TGDS: variants seen among roughly 807,000 people sequenced by gnomAD.
TGDS encodes UDP-D-glucose 4,6-dehydratase.
In TGDS, 47 loss-of-function variants were observed where a neutral mutation model predicts 52.3. The observed-to-expected ratio is 0.90, with a 90% CI of 0.71 to 1.15. The LOEUF is 1.15. TGDS is among the 50% of genes most tolerant of loss of function. TGDS has a pLI of 0.00. For missense variants in TGDS, 375 were observed against 418.4 expected (o/e 0.90, Z 0.90); for synonymous variants, 115 against 136.9 (o/e 0.84, Z 1.12).
chr13:94,582,199 C>CAA (rs35792308), intron 5 of TGDS, among the ~76,000 whole-genome samples: 120 of 138,992 alleles, frequency 8.6e-4, no homozygotes, highest in Middle Eastern at 3.8e-3. Context: ...ACTCCCATCT[C>CAA]AAAAAAAAAA....
chr13:94,592,734 G>A (rs903579661), intron 2 of TGDS, among the ~76,000 whole-genome samples: 2 of 152,064 alleles, frequency 1.3e-5, no homozygotes, highest in South Asian at 2.1e-4. Context: ...GATTACAAGC[G>A]TGAGCCCAGC....
chr13:94,581,634 C>T (rs1178582302), intron 5 of TGDS, among the ~76,000 whole-genome samples: 1 of 152,250 alleles, frequency 6.6e-6, no homozygotes, highest in African/African-American at 2.4e-5. Context: ...AGAAGTTTAC[C>T]TGATAAAAAT....
chr13:94,577,031 G>A (rs1888626550), intron 10 of TGDS, among the ~76,000 whole-genome samples: 1 of 151,830 alleles, frequency 6.6e-6, no homozygotes, highest in Non-Finnish European at 1.5e-5. Flanking sequence ...AACCTGGGAA[G>A]GCAGAGATTG....
intron 4 of TGDS, among the ~76,000 whole-genome samples, chr13:94,590,075 A>G (rs1198548627): frequency 6.6e-6 from 1 of 151,496 alleles, no homozygotes; most frequent in Admixed American, 6.6e-5. Flanking sequence ...CTGGAATATT[A>G]TGACACTGAA....
rs1048032951 is a variant in TGDS at position 94,590,783 on chromosome 13, T to C, written c.313+70A>G. On this transcript the variant is annotated intron_variant, in intron 4 of 11. Transcript: ENST00000261296. ...ACAGTATGATATATCCTCTTTCAAATATAAGTATTAGGGGGGCGAGGGCGG... is the reference window on the plus strand; with the variant it reads ...ACAGTATGATATATCCTCTTTCAAACATAAGTATTAGGGGGGCGAGGGCGG... 3.3e-6 allele frequency: 4 copies of C among 1,213,036 alleles called. No homozygotes were observed. The South Asian group carries it at 4.9e-5, about 15-fold the overall frequency. 75.1% of individuals were successfully genotyped at this position (1,213,036 alleles called of 1,614,324 possible).
At chr13:94,590,601 C>T (rs1033032849) in intron 4 of TGDS, among the ~76,000 whole-genome samples, 6 of 152,114 alleles carry the variant, frequency 3.9e-5, no homozygotes, top group East Asian at 3.8e-4. Context: ...CCCATCTCCC[C>T]GTTGCTCCCC....
chr13:94,592,727 T>C (rs1889248324), intron 2 of TGDS, among the ~76,000 whole-genome samples: 1 of 152,196 alleles, frequency 6.6e-6, no homozygotes, highest in Non-Finnish European at 1.5e-5. Flanking sequence ...GTGCTGGGAT[T>C]ACAAGCGTGA....
intron 6 of TGDS, 92 bp from the exon 7 acceptor site, chr13:94,580,045 T>C: frequency 2.5e-6 from 2 of 792,492 alleles, no homozygotes; most frequent in Non-Finnish European, 4.1e-6. Flanking sequence ...ATGGGCACCT[T>C]TGCCTAAATA....
chr13:94,587,124 TA>T (rs2139533204), intron 4 of TGDS, among the ~76,000 whole-genome samples: 1 of 152,164 alleles, frequency 6.6e-6, no homozygotes, highest in South Asian at 2.1e-4. Flanking sequence ...AGGATTCAGA[TA>T]AACCAGTATT....
intron 5 of TGDS, 102 bp downstream of exon 5, chr13:94,582,991 CA>C: frequency 2.4e-6 from 3 of 1,250,480 alleles, no homozygotes; most frequent in Non-Finnish European, 3.4e-6. Context: ...AAGAGTGCCA[CA>C]AGTGTATATA....
chr13:94,584,497 C>T (rs1487875051), intron 4 of TGDS, among the ~76,000 whole-genome samples: 2 of 152,198 alleles, frequency 1.3e-5, no homozygotes, highest in African/African-American at 2.4e-5. Flanking sequence ...GCGGATTGGA[C>T]ATTTCAGTAT....
chr13:94,577,332 T>C, intron 10 of TGDS, 39 bp downstream of exon 10: 5 of 1,488,140 alleles, frequency 3.4e-6, no homozygotes, highest in Non-Finnish European at 4.5e-6. Context: ...GTACCTAAGA[T>C]TTCACAACCT....
At chr13:94,595,993 C>A (rs551161892) in intron 1 of TGDS, 58 bp downstream of exon 1, 1 of 1,602,360 alleles carries the variant, frequency 6.2e-7, no homozygotes, top group Non-Finnish European at 8.5e-7. Flanking sequence ...AGCAGAGCTG[C>A]GGGAAAAGGT....
At chr13:94,596,219 G>A (rs1029021954), upstream of TGDS, 19 of 1,438,816 alleles carry the variant, frequency 1.3e-5, no homozygotes, top group East Asian at 4.2e-4. Context: ...TTTGCGACGC[G>A]CCTCGCTCGC....
chr13:94,580,110 T>G (rs1226859411), intron 6 of TGDS, among the ~76,000 whole-genome samples, 157 bp from the exon 7 acceptor site: 1 of 152,128 alleles, frequency 6.6e-6, no homozygotes, highest in Non-Finnish European at 1.5e-5. Flanking sequence ...GTAAGGTTTC[T>G]AAAAAGGAGA....
chr13:94,593,987 A>T (rs1388069898), intron 1 of TGDS, 80 bp from the exon 2 acceptor site: 1 of 838,912 alleles, frequency 1.2e-6, no homozygotes, highest in Admixed American at 2.6e-5. Context: ...GGTGTTGAGT[A>T]CTAGGAAAAT....
intron 11 of TGDS, among the ~76,000 whole-genome samples, chr13:94,575,859 A>G (rs1008076211): frequency 6.6e-6 from 1 of 151,996 alleles, no homozygotes; most frequent in Admixed American, 6.6e-5. Context: ...TACTAAATTT[A>G]TTTCCTCTGT....
intron 3 of TGDS, among the ~76,000 whole-genome samples, chr13:94,591,310 G>A (rs1188200296): frequency 6.6e-6 from 1 of 152,166 alleles, no homozygotes; most frequent in East Asian, 1.9e-4. Context: ...CTTAGGCTGG[G>A]TGTGGTGGCT....
At chr13:94,579,671 C>CT (rs1293590349) in intron 7 of TGDS, 2 of 404,094 alleles carry the variant, frequency 4.9e-6, no homozygotes, top group African/African-American at 2.1e-5. Flanking sequence ...AAAATCCCTG[C>CT]TAAGTGGTGA....
Sources: allele counts gnomAD v4.1 joint callset (sites outside exome capture counted in the v4.1 genomes callset), GRCh38; gene constraint gnomAD v4.1.1; transcripts MANE v1.5; gene names NCBI Gene and HGNC (gene_info 2026-07-23, HGNC 2026-07-21).